The following PITPNM3 variants were observed in gnomAD, a reference collection of about 807,000 sequenced individuals.
PITPNM3 encodes membrane-associated phosphatidylinositol transfer protein 3.
Under a neutral mutation model 102.0 loss-of-function variants are expected in PITPNM3, and 26 were observed. The observed-to-expected ratio is 0.25, with a 90% CI of 0.19 to 0.35. PITPNM3 has a LOEUF of 0.35. Ranked by LOEUF, PITPNM3 falls within the 10% of genes least tolerant of loss-of-function variation. The pLI, the probability that PITPNM3 is intolerant of heterozygous loss-of-function variation, is 1.00. For missense variants in PITPNM3, 1,083 were observed against 1,346.1 expected, an observed-to-expected ratio of 0.80 and a Z score of 3.06; for synonymous variants, 578 against 558.6, an observed-to-expected ratio of 1.03 and a Z score of -0.49.
In PITPNM3 at chr17:6,544,625, GTCTCTC is replaced by G. The variant is rs67144965; in HGVS notation, c.23-6549_23-6544del. Among the ~76,000 whole-genome samples, 909 of 137,298 alleles carry G rather than the reference GTCTCTC, an allele frequency of 6.6e-3. 11 individuals are homozygous for G. The highest frequency in any genetic ancestry group is 0.023 in the African/African-American group (819 of 35,040). The allele number at this position is 137,298 out of a possible 152,430, so 90.1% of individuals were successfully genotyped here. The stretch of plus-strand genomic sequence containing the variant: ...CAGGGCTGAGGCTCATTTGAATGGT[GTCTCTC>G]TCTCTCTCTCTCTCTCTCTCTCTCA... On this transcript the variant is annotated intron_variant, in intron 1 of 19. Transcript: ENST00000262483.
rs193075285 is a variant in PITPNM3, at chr17:6,487,090, C to T, written c.275-2798G>A. Among the ~76,000 whole-genome samples the T allele has an allele frequency of 6.2e-4, 95 of 152,170 alleles. 1 individual carries two copies. In the East Asian group the frequency reaches 0.018, roughly 28 times the overall value. ...TTCATGGTGTGTGCGGCTGTGTGTG[C>T]GGCTCTGGGGCAGGCTGTGAGTCAA... On this transcript the variant is annotated intron_variant, in intron 4 of 19. Transcript: ENST00000262483.
At chr17:6,455,669 G>A (rs73346328) in intron 19 of PITPNM3, 26 bp from the exon 20 acceptor site, 1 of 1,385,624 alleles carries the variant, frequency 7.2e-7, no homozygotes, top group Non-Finnish European at 9.4e-7. Context: ...GAGGGCAGGG[G>A]AGGGCAGGGC....
Position 6,468,846 on chromosome 17 carries a change from C to T in PITPNM3, c.1774-505G>A, listed in dbSNP as rs887555433. Among the ~76,000 whole-genome samples, 5 of 152,126 alleles carry T rather than the reference C, an allele frequency of 3.3e-5. No individual in the cohort carries two copies. Among genetic ancestry groups the T allele is most frequent in the African/African-American group, 4.8e-5 (2 of 41,402 alleles). On this transcript the variant is annotated intron_variant, in intron 13 of 19. Coordinates refer to ENST00000262483, the MANE Select transcript of PITPNM3 (RefSeq NM_031220.4). This position sits in a 1 kb window ranked among gnomAD's most constrained non-coding sequence, Gnocchi z 5.2. ...AGATTCCTCATGCCTCTCCAGTGAC[C>T]GCCACATCCCTGCTGTCCCTCACAG...
At chr17:6,549,176 T>C (rs1910180065) in intron 1 of PITPNM3, among the ~76,000 whole-genome samples, 1 of 151,976 alleles carries the variant, frequency 6.6e-6, no homozygotes, top group South Asian at 2.1e-4. Flanking sequence ...ACTCCTGCTT[T>C]CCAGAGGCAG....
intron 6 of PITPNM3, chr17:6,479,064 G>C (rs1376999996): frequency 5.8e-6 from 2 of 344,084 alleles, no homozygotes; most frequent in Non-Finnish European, 1.1e-5. Flanking sequence ...GAAGTCAGCT[G>C]AGGACCCAGC....
intron 2 of PITPNM3, among the ~76,000 whole-genome samples, chr17:6,533,383 C>T (rs1037870306): frequency 2.0e-5 from 3 of 152,190 alleles, no homozygotes; most frequent in African/African-American, 7.2e-5. Context: ...TTTTCACATG[C>T]TTACTTGCCA....
intron 1 of PITPNM3, among the ~76,000 whole-genome samples, chr17:6,542,118 C>T (rs1274286126): frequency 6.6e-6 from 1 of 152,202 alleles, no homozygotes; most frequent in Non-Finnish European, 1.5e-5. Flanking sequence ...CTGTTTCTGG[C>T]CAGCTGGGCA....
intron 1 of PITPNM3, among the ~76,000 whole-genome samples, chr17:6,544,586 G>A (rs1466249126): frequency 6.6e-6 from 1 of 151,660 alleles, no homozygotes; most frequent in Non-Finnish European, 1.5e-5. Flanking sequence ...AAGAGTGAGA[G>A]CAGTGCCTGG....
chr17:6,546,787 C>T (rs918885933), intron 1 of PITPNM3, among the ~76,000 whole-genome samples: 1 of 152,210 alleles, frequency 6.6e-6, no homozygotes, highest in African/African-American at 2.4e-5. Context: ...GGTGGATCAC[C>T]TGAAATCAGG....
In PITPNM3 at chr17:6,474,552, G is replaced by C; in HGVS notation, c.1138C>G (p.Pro380Ala). The part of the protein sequence containing the change: ...DESETPAAGG[P>A]QLPEVSLGRF... ...CCCAGGCTGACCTCAGGGAGCTGCG[G>C]CCCCCCAGCCGCCGGGGTCTCAGAC... The change falls in exon 10 of 20, where the codon CCG becomes GCG. Residue 380 changes from proline to alanine, a missense_variant. This residue lies in a region of PITPNM3 where 172 missense variants were observed against 175.6 expected (regional missense o/e 0.98). Coordinates refer to ENST00000262483, the MANE Select transcript of PITPNM3 (RefSeq NM_031220.4). 1.9e-6 allele frequency: 3 copies of C among 1,601,784 alleles called. No homozygotes were observed. The highest frequency in any genetic ancestry group is 1.7e-6 in the Non-Finnish European group (2 of 1,174,726).
intron 3 of PITPNM3, among the ~76,000 whole-genome samples, chr17:6,516,456 C>G (rs1306049212): frequency 1.3e-5 from 2 of 148,658 alleles, no homozygotes; most frequent in Non-Finnish European, 1.5e-5. Context: ...CCCAGCTACT[C>G]GGGAGGCTGA....
Position 6,491,345 on chromosome 17 carries a change from TGAA to T in PITPNM3, c.275-7056_275-7054del, listed in dbSNP as rs547022661. ...CTTGAGCTCAAGGAATGTGGGCTCA[TGAA>T]TGGGAACCTGCGGCCACACAAGATG... On this transcript the variant is annotated intron_variant, in intron 4 of 19. Transcript: ENST00000262483. Among the ~76,000 whole-genome samples, 942 of 152,226 alleles carry T rather than the reference TGAA, an allele frequency of 6.2e-3. 7 individuals are homozygous for T. The highest frequency in any genetic ancestry group is 0.011 in the Admixed American group (161 of 15,298).
intron 4 of PITPNM3, among the ~76,000 whole-genome samples, chr17:6,490,167 C>T (rs1906367910): frequency 6.6e-6 from 1 of 152,094 alleles, no homozygotes; most frequent in Non-Finnish European, 1.5e-5. Flanking sequence ...TTCAGTAGCA[C>T]CTGGGGGACT....
intron 8 of PITPNM3, 139 bp downstream of exon 8, chr17:6,477,836 G>A: frequency 6.8e-7 from 1 of 1,463,786 alleles, no homozygotes; most frequent in Non-Finnish European, 9.4e-7. Context: ...ATGAGCCACT[G>A]CGCCCAGCTG....
chr17:6,470,385 T>C lies in PITPNM3; in HGVS notation c.1648A>G (p.Lys550Glu), dbSNP rs780554812. The C allele has an allele frequency of 6.2e-7, 1 of 1,614,114 alleles. No homozygotes were observed. Among genetic ancestry groups the C allele is most frequent in the South Asian group, 1.1e-5 (1 of 91,082 alleles). ...SRITAKWWGS[K>E]RIDYALYCPD... ...CAGTACAGGGCATAGTCGATCCTCT[T>C]GCTTCCCCACCACTTGGCTGTGACT... The change falls in exon 13 of 20, where the codon AAG becomes GAG. Residue 550 changes from lysine to glutamate, a missense_variant. By Grantham distance (56) the Lys-to-Glu change is moderately conservative. Transcript: ENST00000262483. This position sits in a 1 kb window ranked among gnomAD's most constrained non-coding sequence, Gnocchi z 4.8.
chr17:6,478,110 C>G lies in PITPNM3; in HGVS notation c.778-13G>C, dbSNP rs1222776249. ...CGATGAGACACACCTGGAAGAGATG[C>G]AGCTGGGACTGCAGGCCTGCCCACT... On this transcript the variant is annotated splice_polypyrimidine_tract_variant and intron_variant, in intron 7 of 19. Coordinates refer to ENST00000262483, the MANE Select transcript of PITPNM3 (RefSeq NM_031220.4). The surrounding 1 kb of genome is among the most constrained non-coding windows in gnomAD (Gnocchi z 4.4). The G allele has an allele frequency of 3.7e-6, 6 of 1,612,840 alleles. No individual in the cohort carries two copies. In the Admixed American group the frequency reaches 1.0e-4, roughly 27 times the overall value.
In PITPNM3 at chr17:6,459,839, C is replaced by T. The variant is rs1285001477; in HGVS notation, c.2490+1534G>A. ...CTCCCTGCATCCAACCATCCCTGAGCCCCGACTATTCCACCTCCTAATCCT... is the reference window on the plus strand; with the variant it reads ...CTCCCTGCATCCAACCATCCCTGAGTCCCGACTATTCCACCTCCTAATCCT... On this transcript the variant is annotated intron_variant, in intron 18 of 19. Coordinates refer to ENST00000262483, the MANE Select transcript of PITPNM3 (RefSeq NM_031220.4). The surrounding 1 kb of genome is among the most constrained non-coding windows in gnomAD (Gnocchi z 5.0). 6.6e-6 allele frequency among the ~76,000 whole-genome samples: 1 copy of T among 152,068 alleles called. No individual in the cohort carries two copies. The highest frequency in any genetic ancestry group is 1.9e-4 in the East Asian group (1 of 5,180).
At chr17:6,503,456 G>C in intron 4 of PITPNM3, 71 bp downstream of exon 4, 2 of 1,523,864 alleles carry the variant, frequency 1.3e-6, no homozygotes, top group Non-Finnish European at 1.8e-6. Context: ...GGATGAGAGG[G>C]GACCCAGGCT....
rs1337489526 is a variant in PITPNM3, at chr17:6,459,324, C to T, written c.2491-1602G>A. On this transcript the variant is annotated intron_variant, in intron 18 of 19. Coordinates refer to ENST00000262483, the MANE Select transcript of PITPNM3 (RefSeq NM_031220.4). The surrounding 1 kb of genome is among the most constrained non-coding windows in gnomAD (Gnocchi z 5.0). ...AAAAGGGGCGCTATCTCCTTGAAGC[C>T]CTCTCCTCCCGATACCTGGAGTCTC... Among the ~76,000 whole-genome samples the T allele has an allele frequency of 6.6e-6, 1 of 152,100 alleles. No homozygotes were observed. The highest frequency in any genetic ancestry group is 1.5e-5 in the Non-Finnish European group (1 of 68,020).
Sources: allele counts gnomAD v4.1 joint callset (sites outside exome capture counted in the v4.1 genomes callset), GRCh38; gene constraint gnomAD v4.1.1; regional missense constraint gnomAD v4.1.1; non-coding constraint Gnocchi (gnomAD v3.1); transcripts MANE v1.5; gene names NCBI Gene and HGNC (gene_info 2026-07-23, HGNC 2026-07-21).